SBF2: variants seen among roughly 807,000 people sequenced by gnomAD.
SBF2 encodes the protein myotubularin-related protein 13.
In SBF2, 112 loss-of-function variants were observed where a neutral mutation model predicts 225.2. That is an observed-to-expected ratio of 0.50 (90% CI 0.43 to 0.58). SBF2 has a LOEUF of 0.58. SBF2 is among the 20% of genes least tolerant of loss of function. The pLI is 0.00. For missense variants in SBF2, 1,996 were observed against 2,206.2 expected (o/e 0.90, Z 1.91); for synonymous variants, 763 against 773.3 (o/e 0.99, Z 0.22).
At position 10,000,964 on chromosome 11, in the gene SBF2, G is replaced by T. The variant is rs1044734721; in HGVS notation, c.811C>A (p.Pro271Thr). 11 of 1,607,450 alleles carry T rather than the reference G, an allele frequency of 6.8e-6. No homozygotes were observed. Among genetic ancestry groups the T allele is most frequent in the Non-Finnish European group, 9.4e-6 (11 of 1,174,094 alleles). ...QLLEVLSSPT[P>T]FIIGVHSVFK... is the part of the protein sequence containing the mutation. ...ACAGAATGTACTCCAATAATGAAAG[G>T]CGTTGGGGAACTTAGAACTTCCAGT... Residue 271 changes from proline (P) to threonine (T), a missense_variant, in exon 8 of 40, where the codon CCT becomes ACT. By Grantham distance (38) the Pro-to-Thr change is conservative. Transcript: ENST00000256190.
chr11:9,936,032 G>C (rs938348434), intron 16 of SBF2, among the ~76,000 whole-genome samples: 2 of 151,990 alleles, frequency 1.3e-5, no homozygotes, highest in Non-Finnish European at 2.9e-5. Context: ...CTACAGAATG[G>C]GAGAAAAATT....
chr11:10,288,041 C>T (rs72851630), intron 1 of SBF2, among the ~76,000 whole-genome samples: 4,366 of 152,276 alleles, frequency 0.029, 94 homozygotes, highest in Middle Eastern at 0.088. Flanking sequence ...CGGCCGGCAC[C>T]GGGGAATGTA....
chr11:10,219,304 T>C (rs1958251790), intron 1 of SBF2, among the ~76,000 whole-genome samples: 1 of 152,202 alleles, frequency 6.6e-6, no homozygotes, highest in Non-Finnish European at 1.5e-5. Context: ...TCTGAAGCCA[T>C]GGCCTGAGCT....
intron 1 of SBF2, among the ~76,000 whole-genome samples, chr11:10,233,668 A>G (rs7107373): frequency 0.11 from 16,003 of 151,724 alleles, 1,002 homozygotes; most frequent in Non-Finnish European, 0.11. Flanking sequence ...AGCCACTCAG[A>G]TCTCCTTTCA....
intron 17 of SBF2, among the ~76,000 whole-genome samples, chr11:9,869,503 G>A (rs1285673455): frequency 6.6e-6 from 1 of 152,100 alleles, no homozygotes; most frequent in Non-Finnish European, 1.5e-5. Flanking sequence ...ATTTTTAGTA[G>A]AGACAGGGTT....
intron 16 of SBF2, among the ~76,000 whole-genome samples, chr11:9,913,137 A>G (rs892155815): frequency 6.6e-6 from 1 of 151,910 alleles, no homozygotes; most frequent in Non-Finnish European, 1.5e-5. Context: ...TACAAAAATT[A>G]CCTCGGTGTG....
intron 30 of SBF2, 116 bp downstream of exon 30, chr11:9,812,416 G>T (rs1854237869): frequency 9.3e-7 from 1 of 1,073,372 alleles, no homozygotes; most frequent in Non-Finnish European, 1.4e-6. Context: ...CAATGAAGGA[G>T]GAGAATGTTG....
intron 1 of SBF2, among the ~76,000 whole-genome samples, chr11:10,284,146 C>G (rs1202289196): frequency 6.6e-6 from 1 of 152,000 alleles, no homozygotes; most frequent in Non-Finnish European, 1.5e-5. Context: ...ATACAGAAAC[C>G]ATATACCCTT....
At chr11:10,223,961 A>G (rs985914037) in intron 1 of SBF2, among the ~76,000 whole-genome samples, 2 of 152,164 alleles carry the variant, frequency 1.3e-5, no homozygotes, top group African/African-American at 4.8e-5. Flanking sequence ...CAGTTTTAAT[A>G]CTGTATCTTT....
intron 17 of SBF2, among the ~76,000 whole-genome samples, chr11:9,892,700 C>T (rs1193731357): frequency 6.6e-6 from 1 of 151,986 alleles, no homozygotes; most frequent in African/African-American, 2.4e-5. Flanking sequence ...GCTGGGATTA[C>T]AGGCATACGC....
chr11:9,788,744 G>A (rs909077898), intron 35 of SBF2, among the ~76,000 whole-genome samples: 3 of 149,360 alleles, frequency 2.0e-5, no homozygotes, highest in Admixed American at 6.7e-5. Flanking sequence ...ACAGGCGCCC[G>A]CCACCACGCC....
chr11:9,990,376 G>T (rs1010418076), intron 12 of SBF2, among the ~76,000 whole-genome samples: 2 of 152,138 alleles, frequency 1.3e-5, no homozygotes, highest in African/African-American at 4.8e-5. Context: ...TGAGGACAAG[G>T]CCATGCACAA....
At chr11:10,039,036 G>A (rs1274310461) in intron 3 of SBF2, among the ~76,000 whole-genome samples, 1 of 151,730 alleles carries the variant, frequency 6.6e-6, no homozygotes, top group African/African-American at 2.4e-5. Context: ...AAAGTTTAAT[G>A]CCAAGTTTTG....
intron 16 of SBF2, among the ~76,000 whole-genome samples, chr11:9,949,207 T>TA (rs1347961573): frequency 6.6e-6 from 1 of 152,164 alleles, no homozygotes; most frequent in African/African-American, 2.4e-5. Flanking sequence ...TATTGATTTT[T>TA]ATAGGCTAAT....
chr11:10,242,181 G>A (rs923946379), intron 1 of SBF2, among the ~76,000 whole-genome samples: 5 of 151,974 alleles, frequency 3.3e-5, no homozygotes, highest in African/African-American at 1.2e-4. Flanking sequence ...GTGCTGATAA[G>A]ATACACAACA....
rs58098261 is a variant in SBF2, at chr11:9,882,602, A to T, written c.1929+13341T>A. The stretch of plus-strand genomic sequence containing the variant: ...GGCGGGCGGATCACAAAGTCAGGAG[A>T]TCGAGACCATCCTGGCTAACACGGT... On this transcript the variant is annotated intron_variant, in intron 17 of 39. Transcript: ENST00000256190. Among the ~76,000 whole-genome samples the T allele has an allele frequency of 7.2e-5, 11 of 152,018 alleles. 1 individual carries two copies. Among genetic ancestry groups the T allele is most frequent in the Middle Eastern group, 6.8e-3 (2 of 294 alleles).
At chr11:10,296,540 G>A (rs575900890), upstream of SBF2, among the ~76,000 whole-genome samples, 278 of 152,172 alleles carry the variant, frequency 1.8e-3, no homozygotes, top group African/African-American at 6.1e-3. Flanking sequence ...ATGACAGGTG[G>A]GAATTATGGG....
At chr11:10,297,051 C>A (rs1964555736), upstream of SBF2, among the ~76,000 whole-genome samples, 1 of 151,810 alleles carries the variant, frequency 6.6e-6, no homozygotes, top group African/African-American at 2.4e-5. Flanking sequence ...TTAATTGATT[C>A]TTTGTCTTTT....
rs78535183 is a variant in SBF2, at chr11:10,216,387, CTTCT to C, written c.56-22404_56-22401del. 8.5e-5 allele frequency among the ~76,000 whole-genome samples: 13 copies of C among 152,268 alleles called. No homozygotes were observed. In the East Asian group the frequency reaches 1.7e-3, roughly 20 times the overall value. On this transcript the variant is annotated intron_variant, in intron 1 of 39. Transcript: ENST00000256190. ...AGAATAAGAAAAAATGCGTCTATTCCTTCTTTAAGATGATAGCGATAGCTTCTCA... is the reference window on the plus strand; with the variant it reads ...AGAATAAGAAAAAATGCGTCTATTCCTTAAGATGATAGCGATAGCTTCTCA...
Sources: allele counts gnomAD v4.1 joint callset (sites outside exome capture counted in the v4.1 genomes callset), GRCh38; gene constraint gnomAD v4.1.1; transcripts MANE v1.5; gene names NCBI Gene and HGNC (gene_info 2026-07-23, HGNC 2026-07-21).